Variants in SOS2 observed in about 807,000 individuals in gnomAD.
The protein encoded by SOS2 is son of sevenless homolog 2.
A neutral mutation model predicts 148.2 loss-of-function variants in SOS2; 65 were observed. The ratio of observed to expected loss-of-function variants is 0.44; its 90% confidence interval spans 0.36 to 0.54. The LOEUF (loss-of-function observed/expected upper bound fraction) is 0.54, where lower values mean the gene tolerates loss of function less well. SOS2 is among the 20% of genes least tolerant of loss of function. The probability of loss-of-function intolerance (pLI) is 0.00; values close to 1 mark genes in which losing one functional copy is unlikely to be tolerated. For missense variants in SOS2, 1,341 were observed against 1,590.2 expected (o/e 0.84, Z 2.67); for synonymous variants, 539 against 537.1 (o/e 1.00, Z -0.05).
chr14:50,150,005 T>A lies in SOS2; in HGVS notation c.2384+3A>T. The A allele has an allele frequency of 6.4e-7, 1 of 1,560,586 alleles. No individual in the cohort carries two copies. Among genetic ancestry groups the A allele is most frequent in the Non-Finnish European group, 8.8e-7 (1 of 1,131,320 alleles). On this transcript the variant is annotated splice_donor_region_variant and intron_variant, in intron 14 of 22. Coordinates refer to ENST00000216373, the MANE Select transcript of SOS2 (RefSeq NM_006939.4). Reference sequence around the variant, plus strand: ...AAGCAAGACATTAACATTAATTGTCTACCTGTAAAGATCAGACTCCAAAAG... The same window carrying A: ...AAGCAAGACATTAACATTAATTGTCAACCTGTAAAGATCAGACTCCAAAAG...
intron 13 of SOS2, among the ~76,000 whole-genome samples, chr14:50,151,448 G>A (rs1328595930): frequency 6.6e-6 from 1 of 152,146 alleles, no homozygotes; most frequent in African/African-American, 2.4e-5. Flanking sequence ...TTTTGTGATA[G>A]TACCCATCCA....
chr14:50,168,142 G>C (rs1282627175), intron 8 of SOS2, among the ~76,000 whole-genome samples: 2 of 152,134 alleles, frequency 1.3e-5, no homozygotes, highest in Non-Finnish European at 2.9e-5. Context: ...AGGGAGTTAG[G>C]AGAGTAAGAG....
chr14:50,136,624 C>T (rs150470340), intron 18 of SOS2, among the ~76,000 whole-genome samples: 198 of 148,342 alleles, frequency 1.3e-3, no homozygotes, highest in Admixed American at 1.3e-3. Flanking sequence ...CAGTCTCGCT[C>T]TGTCACCTAG....
chr14:50,161,033 G>A (rs1884989878), intron 9 of SOS2, among the ~76,000 whole-genome samples: 1 of 150,496 alleles, frequency 6.6e-6, no homozygotes, highest in Middle Eastern at 3.3e-3. Context: ...AAAAAAGGCT[G>A]GGCGCAGCGG....
At position 50,180,557 on chromosome 14, in the gene SOS2, T is replaced by A; in HGVS notation, c.969+15A>T. 1.9e-6 allele frequency: 2 copies of A among 1,032,878 alleles called. No homozygotes were observed. Among genetic ancestry groups the A allele is most frequent in the Non-Finnish European group, 2.8e-6 (2 of 708,192 alleles). The allele number at this position is 1,032,878 out of a possible 1,614,324, so 64.0% of individuals were successfully genotyped here. ...TTAAAAAAAAAAAAAAAAAAAACCT[T>A]CAATTTAAGTTTACCTGAAAGTGTA... On this transcript the variant is annotated intron_variant, in intron 7 of 22. Coordinates refer to ENST00000216373, the MANE Select transcript of SOS2 (RefSeq NM_006939.4).
At chr14:50,166,918 T>G in intron 8 of SOS2, among the ~76,000 whole-genome samples, 1 of 152,144 alleles carries the variant, frequency 6.6e-6, no homozygotes, top group East Asian at 1.9e-4. Context: ...CATTAAAACC[T>G]ATGACTAGGC....
intron 4 of SOS2, among the ~76,000 whole-genome samples, chr14:50,195,674 T>C (rs540968196): frequency 1.3e-5 from 2 of 152,120 alleles, no homozygotes; most frequent in African/African-American, 4.8e-5. Flanking sequence ...GGCAGGAGGA[T>C]TGCCTGAGCC....
intron 22 of SOS2, among the ~76,000 whole-genome samples, chr14:50,119,994 G>T (rs527844556): frequency 1.3e-5 from 2 of 152,006 alleles, no homozygotes; most frequent in African/African-American, 4.8e-5. Context: ...TGTATTTTTA[G>T]TAGAGATGGG....
intron 22 of SOS2, 114 bp downstream of exon 22, chr14:50,120,161 G>A: frequency 1.7e-6 from 1 of 594,428 alleles, no homozygotes. Context: ...CAACCCAAAT[G>A]CTGAAAAACC....
At chr14:50,120,441 C>A in intron 21 of SOS2, 57 bp from the exon 22 acceptor site, 1 of 826,054 alleles carries the variant, frequency 1.2e-6, no homozygotes, top group East Asian at 2.6e-5. Flanking sequence ...AAACCTTTAT[C>A]ACAATTTGTG....
intron 1 of SOS2, 92 bp from the exon 2 acceptor site, chr14:50,204,501 A>G (rs1220661727): frequency 8.0e-6 from 6 of 746,728 alleles, no homozygotes; most frequent in Non-Finnish European, 1.3e-5. Context: ...TTTTACTATA[A>G]TGGTTACTCA....
At position 50,224,293 on chromosome 14, in the gene SOS2, G is replaced by GAAAA. The variant is rs112000335; in HGVS notation, c.87+6900_87+6903dup. ...GTGACAGAGCAAGACTCCGTCTCAG[G>GAAAA]AAAAAAAAAAAATATATATATACAC... On this transcript the variant is annotated intron_variant, in intron 1 of 22. Coordinates refer to ENST00000216373, the MANE Select transcript of SOS2 (RefSeq NM_006939.4). Among the ~76,000 whole-genome samples the GAAAA allele has an allele frequency of 3.7e-3, 318 of 87,066 alleles. 21 individuals are homozygous for GAAAA. Among genetic ancestry groups the GAAAA allele is most frequent in the African/African-American group, 0.018 (273 of 15,080 alleles). 57.1% of individuals were successfully genotyped at this position (87,066 alleles called of 152,430 possible).
chr14:50,180,564 A>T lies in SOS2; in HGVS notation c.969+8T>A. On this transcript the variant is annotated splice_region_variant and intron_variant, in intron 7 of 22. Transcript: ENST00000216373. Reference sequence around the variant, plus strand: ...AAAAAAAAAAAAAAACCTTCAATTTAAGTTTACCTGAAAGTGTAGAGCAAC... The same window carrying T: ...AAAAAAAAAAAAAAACCTTCAATTTTAGTTTACCTGAAAGTGTAGAGCAAC... The T allele has an allele frequency of 1.7e-6, 2 of 1,176,614 alleles. No homozygotes were observed. The highest frequency in any genetic ancestry group is 2.4e-6 in the Non-Finnish European group (2 of 828,742). 72.9% of individuals were successfully genotyped at this position (1,176,614 alleles called of 1,614,324 possible).
At chr14:50,157,505 G>A (rs926302454) in intron 11 of SOS2, among the ~76,000 whole-genome samples, 10 of 152,046 alleles carry the variant, frequency 6.6e-5, no homozygotes, top group African/African-American at 2.4e-4. Flanking sequence ...TTCAAAGAGA[G>A]GGCCAAAACC....
At chr14:50,216,433 T>C (rs1887042057) in intron 1 of SOS2, among the ~76,000 whole-genome samples, 1 of 151,882 alleles carries the variant, frequency 6.6e-6, no homozygotes, top group African/African-American at 2.4e-5. Context: ...AAAAAGAAAA[T>C]AAAAATTTTA....
Position 50,219,059 on chromosome 14 carries a change from G to C in SOS2, c.87+12138C>G, listed in dbSNP as rs139763433. ...ACCCGGGAAGCGGAGGTTGCTGTGA[G>C]TCAGGATTACACCACTGCTCTCCAG... On this transcript the variant is annotated intron_variant, in intron 1 of 22. Coordinates refer to ENST00000216373, the MANE Select transcript of SOS2 (RefSeq NM_006939.4). Among the ~76,000 whole-genome samples the C allele has an allele frequency of 2.4e-3, 370 of 151,606 alleles. 2 individuals are homozygous for C. In the Middle Eastern group the frequency reaches 0.058, roughly 24 times the overall value.
At chr14:50,144,434 T>A (rs1045300719) in intron 16 of SOS2, among the ~76,000 whole-genome samples, 3 of 151,868 alleles carry the variant, frequency 2.0e-5, no homozygotes, top group Non-Finnish European at 2.9e-5. Context: ...ATTTAAAAAA[T>A]ATATATATTT....
rs1290092185 is a variant in SOS2, at chr14:50,231,455, G to C, written c.-172C>G. On this transcript the variant is annotated 5_prime_UTR_variant, in exon 1 of 23. Transcript: ENST00000216373. ...GCCGGCGGGCTGGCGGAGACCCCGG[G>C]GTCGGCTTCCTCCGCCGAGGCGGCC... 6.6e-6 allele frequency: 1 copy of C among 151,620 alleles called. No individual in the cohort carries two copies. Among genetic ancestry groups the C allele is most frequent in the Non-Finnish European group, 1.5e-5 (1 of 68,904 alleles). 9.4% of individuals were successfully genotyped at this position (151,620 alleles called of 1,614,324 possible). A position where few individuals can be genotyped will look rare whatever the true frequency, so the allele number is the denominator to read the frequency against.
intron 8 of SOS2, among the ~76,000 whole-genome samples, chr14:50,164,927 T>C (rs1885123061): frequency 1.3e-5 from 2 of 152,246 alleles, no homozygotes; most frequent in East Asian, 1.9e-4. Context: ...TAACATTTTG[T>C]CACATGCTTC....
Sources: allele counts gnomAD v4.1 joint callset (sites outside exome capture counted in the v4.1 genomes callset), GRCh38; gene constraint gnomAD v4.1.1; transcripts MANE v1.5; gene names NCBI Gene and HGNC (gene_info 2026-07-23, HGNC 2026-07-21).